Variants in PLA1A observed in about 807,000 individuals in gnomAD.
PLA1A encodes the protein phosphatidylserine-specific phospholipase A1alpha.
A neutral mutation model predicts 49.4 loss-of-function variants in PLA1A; 47 were observed. The ratio of observed to expected loss-of-function variants is 0.95; its 90% CI spans 0.75 to 1.21. The LOEUF is 1.21. Ranked by LOEUF, PLA1A falls within the 50% of genes most tolerant of loss-of-function variation. The pLI is 0.00. For synonymous variants in PLA1A, 224 were observed against 207.9 expected (o/e 1.08, Z -0.67); for missense variants, 561 against 563.9 (o/e 0.99, Z 0.05).
intron 9 of PLA1A, among the ~76,000 whole-genome samples, chr3:119,626,199 A>T (rs2052534004): frequency 6.6e-6 from 1 of 152,176 alleles, no homozygotes. Flanking sequence ...GCAGGAGCTG[A>T]ACCCATGGGA....
In PLA1A at chr3:119,619,713, C is replaced by T. The variant is rs2082902358; in HGVS notation, c.1012+61C>T. 2 of 1,124,494 alleles carry T rather than the reference C, an allele frequency of 1.8e-6. 1 individual carries two copies. The highest frequency in any genetic ancestry group is 2.5e-5 in the South Asian group (2 of 80,924). 69.7% of individuals were successfully genotyped at this position (1,124,494 alleles called of 1,614,324 possible). ...AGGGCACCACCAGAGGAGTCCAGCC[C>T]AGTGTGGTAGCCTGGGTGGGAGTGA... On this transcript the variant is annotated intron_variant, in intron 8 of 10. Coordinates refer to ENST00000273371, the MANE Select transcript of PLA1A (RefSeq NM_015900.4).
intron 7 of PLA1A, among the ~76,000 whole-genome samples, chr3:119,618,926 A>C (rs899643853): frequency 1.3e-5 from 2 of 152,204 alleles, no homozygotes; most frequent in Non-Finnish European, 1.5e-5. Context: ...AAAGTAGGGT[A>C]GCTTCCAATG....
intron 5 of PLA1A, among the ~76,000 whole-genome samples, chr3:119,615,213 C>T (rs1403484706): frequency 6.6e-6 from 1 of 152,152 alleles, no homozygotes; most frequent in Non-Finnish European, 1.5e-5. Context: ...AGTCTGAGGG[C>T]TCAAGTCTGC....
chr3:119,608,320 A>G (rs2082722096), intron 2 of PLA1A, among the ~76,000 whole-genome samples: 1 of 152,182 alleles, frequency 6.6e-6, no homozygotes, highest in Non-Finnish European at 1.5e-5. Flanking sequence ...CCACAAAGAA[A>G]GAGCCTATAT....
intron 1 of PLA1A, among the ~76,000 whole-genome samples, chr3:119,602,445 A>G (rs1026035273): frequency 2.4e-4 from 37 of 152,166 alleles, no homozygotes; most frequent in Admixed American, 1.6e-3. Context: ...TGGGGTGGAT[A>G]TAAACTTTTT....
intron 1 of PLA1A, among the ~76,000 whole-genome samples, chr3:119,605,901 C>T (rs1308790828): frequency 5.3e-5 from 8 of 152,194 alleles, no homozygotes; most frequent in Non-Finnish European, 1.5e-5. Flanking sequence ...CTTGTCAAGG[C>T]TCTTCTCTGT....
intron 8 of PLA1A, among the ~76,000 whole-genome samples, chr3:119,623,298 G>T (rs2082970775): frequency 6.6e-6 from 1 of 151,814 alleles, no homozygotes; most frequent in Middle Eastern, 3.2e-3. Flanking sequence ...CACACCACAT[G>T]CCCAACTAAT....
chr3:119,607,215 A>G, intron 2 of PLA1A: 1 of 511,838 alleles, frequency 2.0e-6, no homozygotes, highest in South Asian at 2.3e-5. Flanking sequence ...CGAACAGTAC[A>G]TGTCTGTGAC....
In PLA1A at chr3:119,608,782, A is replaced by T. The variant is rs2107782944; in HGVS notation, c.288A>T (p.Thr96=). 6.2e-7 allele frequency: 1 copy of T among 1,613,798 alleles called. No homozygotes were observed. Among genetic ancestry groups the T allele is most frequent in the East Asian group, 2.2e-5 (1 of 44,894 alleles). The change falls in exon 3 of 11, where the codon ACA becomes ACT. Residue 96 remains threonine (T), a synonymous_variant. Transcript: ENST00000273371. The part of the protein sequence containing the change: ...LIIHGFRVLG[T]KPSWIDTFIR... The stretch of plus-strand genomic sequence containing the variant: ...GCCCCCTGTCTAGGGTTTTAGGAAC[A>T]AAGCCTTCCTGGATTGACACATTTA...
intron 5 of PLA1A, 145 bp from the exon 6 acceptor site, chr3:119,615,867 T>A: frequency 1.7e-6 from 1 of 585,452 alleles, no homozygotes; most frequent in Non-Finnish European, 3.1e-6. Flanking sequence ...AAAAGAAATC[T>A]GTCTGAGGGC....
intron 7 of PLA1A, 100 bp downstream of exon 7, chr3:119,618,286 C>A: frequency 9.4e-7 from 1 of 1,060,846 alleles, no homozygotes; most frequent in South Asian, 1.6e-5. Flanking sequence ...GTCAAGAATT[C>A]TATCCAATTT....
At chr3:119,601,900 C>T (rs1053542180) in intron 1 of PLA1A, among the ~76,000 whole-genome samples, 16 of 151,968 alleles carry the variant, frequency 1.1e-4, no homozygotes, top group African/African-American at 1.5e-4. Flanking sequence ...TCTGCTCATC[C>T]GTTGAGATGA....
In PLA1A at chr3:119,629,501, T is replaced by TTTTA. The variant is rs940487611; in HGVS notation, c.*36_*37insATTT. 15 of 1,105,592 alleles carry TTTTA rather than the reference T, an allele frequency of 1.4e-5. No individual in the cohort carries two copies. In the African/African-American group the frequency reaches 1.9e-4, roughly 14 times the overall value. The allele number at this position is 1,105,592 out of a possible 1,614,324, so 68.5% of individuals were successfully genotyped here. On this transcript the variant is annotated 3_prime_UTR_variant, in exon 11 of 11. Transcript: ENST00000273371. ...TGGGCAGGACACATCTCCCTGCATT[T>TTTTA]TTTTTTTTTTTTTGAGAGAGAGGTG...
At chr3:119,608,998 G>T (rs1458905446) in intron 3 of PLA1A, 51 bp downstream of exon 3, 2 of 1,480,894 alleles carry the variant, frequency 1.4e-6, no homozygotes, top group Non-Finnish European at 1.9e-6. Context: ...GAGGAGAGAG[G>T]GTCAGAAAGA....
rs1298801160 is a variant in PLA1A at position 119,606,786 on chromosome 3, C to G, written c.86C>G (p.Pro29Arg). ...LSVGSSGDAPPTPQPKCADFQ... is the reference protein window; with the variant it reads ...LSVGSSGDAPRTPQPKCADFQ... ...TGTTTTCCTCCAGGGGATGCACCTC[C>G]TACCCCACAGCCAAAGTGCGCTGAC... is the stretch of plus-strand genomic sequence containing the variant. The change falls in exon 2 of 11, where the codon CCT becomes CGT. Residue 29 changes from proline (P) to arginine (R), a missense_variant. Coordinates refer to ENST00000273371, the MANE Select transcript of PLA1A (RefSeq NM_015900.4). 1 of 1,613,798 alleles carries G rather than the reference C, an allele frequency of 6.2e-7. No homozygotes were observed. The highest frequency in any genetic ancestry group is 1.7e-5 in the Admixed American group (1 of 60,004).
chr3:119,623,844 C>G (rs1041503258), intron 8 of PLA1A, among the ~76,000 whole-genome samples: 8 of 151,458 alleles, frequency 5.3e-5, no homozygotes, highest in African/African-American at 1.9e-4. Context: ...CCTGCCTCAG[C>G]CTCCTTAGTA....
At chr3:119,627,040 C>T (rs572869336) in intron 9 of PLA1A, among the ~76,000 whole-genome samples, 56 of 152,296 alleles carry the variant, frequency 3.7e-4, no homozygotes, top group African/African-American at 1.2e-3. Flanking sequence ...AAAATACTGA[C>T]GCCAAGCCCC....
chr3:119,628,899 A>C, intron 10 of PLA1A, 34 bp downstream of exon 10: 1 of 1,566,662 alleles, frequency 6.4e-7, no homozygotes, highest in South Asian at 1.1e-5. Flanking sequence ...CACCAGATGC[A>C]CTCACACATC....
chr3:119,628,153 C>T (rs1226787380), intron 9 of PLA1A, among the ~76,000 whole-genome samples: 1 of 152,228 alleles, frequency 6.6e-6, no homozygotes, highest in Non-Finnish European at 1.5e-5. Flanking sequence ...CACCTAGTTG[C>T]TATGTGACTC....
Sources: allele counts gnomAD v4.1 joint callset (sites outside exome capture counted in the v4.1 genomes callset), GRCh38; gene constraint gnomAD v4.1.1; transcripts MANE v1.5; gene names NCBI Gene and HGNC (gene_info 2026-07-23, HGNC 2026-07-21).